The following MYO16 variants were observed in gnomAD, a reference collection of about 807,000 sequenced individuals.
The protein encoded by MYO16 is myosin XVI, also known as unconventional myosin-XVI.
A neutral mutation model predicts 205.3 loss-of-function variants in MYO16; 94 were observed. That is an observed-to-expected ratio of 0.46 (90% CI 0.39 to 0.54). The LOEUF is 0.54. Among genes scored for constraint, MYO16 ranks in the 20% least tolerant of loss-of-function variants. The pLI is 0.00. For missense variants in MYO16, 2,315 were observed against 2,387.5 expected, an observed-to-expected ratio of 0.97 and a Z score of 0.63; for synonymous variants, 988 against 954.0, an observed-to-expected ratio of 1.04 and a Z score of -0.66.
the MYO16 span, among the ~76,000 whole-genome samples, chr13:108,521,519 A>G: frequency 7.9e-5 from 12 of 152,290 alleles, no homozygotes; most frequent in Non-Finnish European, 1.5e-4. Context: ...TTGTTTTTTA[A>G]TTCTTTTGAT....
chr13:108,878,151 G>C (rs951520679), intron 12 of MYO16, among the ~76,000 whole-genome samples: 3 of 152,146 alleles, frequency 2.0e-5, no homozygotes, highest in East Asian at 1.9e-4. Context: ...GGGTAGAAGA[G>C]AGCAGTTCCC....
intron 21 of MYO16, among the ~76,000 whole-genome samples, chr13:109,001,769 T>G (rs1011189774): frequency 6.6e-6 from 1 of 152,144 alleles, no homozygotes; most frequent in Non-Finnish European, 1.5e-5. Flanking sequence ...AAAGAAGTCC[T>G]GCAGAGAAGC....
intron 21 of MYO16, among the ~76,000 whole-genome samples, chr13:109,006,407 T>C (rs1023949949): frequency 1.3e-5 from 2 of 152,044 alleles, no homozygotes; most frequent in African/African-American, 4.8e-5. Context: ...ACCAGGATAA[T>C]TTTTGTATTT....
At chr13:108,788,309 C>A (rs189867666) in intron 5 of MYO16, among the ~76,000 whole-genome samples, 1 of 152,182 alleles carries the variant, frequency 6.6e-6, no homozygotes, top group Admixed American at 6.5e-5. Context: ...CGGCTCACTG[C>A]CTGAGCCTGC....
rs1431752380 is a variant in MYO16, at chr13:109,127,350, G to A, written c.3851G>A (p.Gly1284Asp). Residue 1284 changes from glycine to aspartate, a missense_variant, in exon 31 of 35, where the codon GGC (glycine) becomes GAC (aspartate). By Grantham distance (94) the Gly-to-Asp change is moderately conservative. Transcript: ENST00000457511. This position sits in a 1 kb window ranked among gnomAD's most constrained non-coding sequence, Gnocchi z 4.2. ...SSMSVCAAVD[G>D]LGQCLVGPSI... is the part of the protein sequence containing the mutation. Reference sequence around the variant, plus strand: ...ATGTCAGTCTGCGCGGCCGTGGATGGCCTGGGCCAGTGCCTCGTTGGCCCG... The same window carrying A: ...ATGTCAGTCTGCGCGGCCGTGGATGACCTGGGCCAGTGCCTCGTTGGCCCG... 3 of 1,613,314 alleles carry A rather than the reference G, an allele frequency of 1.9e-6. No homozygotes were observed. The highest frequency in any genetic ancestry group is 1.1e-5 in the South Asian group (1 of 90,970).
At chr13:108,773,551 G>A (rs946311218) in intron 4 of MYO16, among the ~76,000 whole-genome samples, 2 of 151,988 alleles carry the variant, frequency 1.3e-5, no homozygotes, top group Admixed American at 6.6e-5. Context: ...CTCTGCGTGT[G>A]TGTCCATTTT....
At chr13:108,638,126 T>G (rs1594165121) in intron 1 of MYO16, among the ~76,000 whole-genome samples, 3 of 152,250 alleles carry the variant, frequency 2.0e-5, no homozygotes, top group South Asian at 4.1e-4. Context: ...TCTCAAGAAG[T>G]GGTCTCTAAG....
intron 3 of MYO16, among the ~76,000 whole-genome samples, chr13:108,716,158 A>G (rs1883937213): frequency 6.6e-6 from 1 of 152,234 alleles, no homozygotes; most frequent in Admixed American, 6.5e-5. Flanking sequence ...ATGCATAGTG[A>G]ATTTTCAATG....
intron 6 of MYO16, among the ~76,000 whole-genome samples, chr13:108,801,724 G>A (rs577643684): frequency 6.6e-6 from 1 of 152,244 alleles, no homozygotes; most frequent in African/African-American, 2.4e-5. Context: ...TAAACTCTGA[G>A]TTATCATCTT....
chr13:108,825,470 T>C (rs1876206082), intron 9 of MYO16, among the ~76,000 whole-genome samples: 1 of 151,930 alleles, frequency 6.6e-6, no homozygotes, highest in Non-Finnish European at 1.5e-5. Context: ...TCATACTCAA[T>C]GGTGACTGAT....
At chr13:109,146,511 G>A (rs1032286262) in intron 32 of MYO16, among the ~76,000 whole-genome samples, 4 of 152,128 alleles carry the variant, frequency 2.6e-5, no homozygotes, top group Admixed American at 2.6e-4. Flanking sequence ...AGCCAGGCAT[G>A]GTGGTTCATG....
chr13:108,895,857 A>G (rs1880387507), intron 14 of MYO16, among the ~76,000 whole-genome samples: 1 of 152,190 alleles, frequency 6.6e-6, no homozygotes, highest in African/African-American at 2.4e-5. Flanking sequence ...ACAAAAGTAA[A>G]ATTCACTGTT....
At chr13:108,882,042 G>C (rs974865852) in intron 12 of MYO16, among the ~76,000 whole-genome samples, 2 of 152,206 alleles carry the variant, frequency 1.3e-5, no homozygotes, top group Non-Finnish European at 2.9e-5. Context: ...AGGGCAGCCA[G>C]AGAGAAAGGT....
At chr13:108,762,533 G>A (rs890470551) in intron 4 of MYO16, among the ~76,000 whole-genome samples, 8 of 152,156 alleles carry the variant, frequency 5.3e-5, no homozygotes, top group African/African-American at 1.4e-4. Context: ...TCTGACAGGA[G>A]TAAGATGATA....
At chr13:109,000,781 AT>A (rs200424196) in intron 21 of MYO16, among the ~76,000 whole-genome samples, 1,561 of 149,970 alleles carry the variant, frequency 0.01, 38 homozygotes, top group African/African-American at 0.035. Flanking sequence ...ACTAAAAATA[AT>A]TTTTTTAATA....
intron 1 of MYO16, among the ~76,000 whole-genome samples, chr13:108,640,013 C>T (rs75130801): frequency 0.021 from 3,251 of 152,228 alleles, 129 homozygotes; most frequent in East Asian, 0.18. Flanking sequence ...AAGAGCTGTC[C>T]AGTATGTAGC....
At chr13:108,940,383 C>A (rs1882673801) in intron 16 of MYO16, among the ~76,000 whole-genome samples, 1 of 152,102 alleles carries the variant, frequency 6.6e-6, no homozygotes, top group African/African-American at 2.4e-5. Flanking sequence ...TGACAGGGAA[C>A]CTCCCTGGGT....
At chr13:109,082,397 G>A (rs9521169) in intron 27 of MYO16, among the ~76,000 whole-genome samples, 83,551 of 152,058 alleles carry the variant, frequency 0.55, 23,329 homozygotes, top group Non-Finnish European at 0.6. Context: ...TGAAGGGCTA[G>A]TTGTGAAAAA....
intron 2 of MYO16, among the ~76,000 whole-genome samples, chr13:108,686,732 T>A (rs1882692733): frequency 6.6e-6 from 1 of 152,252 alleles, no homozygotes; most frequent in South Asian, 2.1e-4. Flanking sequence ...GTTACAAAAT[T>A]GGTGCTGGAA....
Sources: allele counts gnomAD v4.1 joint callset (sites outside exome capture counted in the v4.1 genomes callset), GRCh38; gene constraint gnomAD v4.1.1; non-coding constraint Gnocchi (gnomAD v3.1); transcripts MANE v1.5; gene names NCBI Gene and HGNC (gene_info 2026-07-23, HGNC 2026-07-21).